The following OGFOD1 variants were observed in gnomAD, a reference collection of about 807,000 sequenced individuals.
OGFOD1 encodes the protein prolyl 3-hydroxylase OGFOD1.
In OGFOD1, 54 loss-of-function variants were observed where a neutral mutation model predicts 67.7. That is an observed-to-expected ratio of 0.80 (90% CI 0.64 to 1.00). OGFOD1 has a LOEUF of 1.00. Ranked by LOEUF, OGFOD1 falls within the 50% of genes least tolerant of loss-of-function variation. The pLI is 0.00. For missense variants in OGFOD1, 606 were observed against 646.7 expected (o/e 0.94, Z 0.68); for synonymous variants, 221 against 227.0 (o/e 0.97, Z 0.24).
chr16:56,469,455 G>A (rs1399420454), intron 8 of OGFOD1, among the ~76,000 whole-genome samples: 1 of 152,162 alleles, frequency 6.6e-6, no homozygotes, highest in Non-Finnish European at 1.5e-5. Context: ...CTACTTAAGA[G>A]AATGAGCCAC....
In OGFOD1 at chr16:56,451,773, G is replaced by A. The variant is rs751265445; in HGVS notation, c.154+7G>A. On this transcript the variant is annotated splice_region_variant and intron_variant, in intron 1 of 12. Transcript: ENST00000566157. Reference sequence around the variant, plus strand: ...AGGACGCCGTTCAGTCACGGTAACCGGGTGCTCTCAGGGAGGGGCCGCCAC... The same window carrying A: ...AGGACGCCGTTCAGTCACGGTAACCAGGTGCTCTCAGGGAGGGGCCGCCAC... 8.1e-6 allele frequency: 13 copies of A among 1,611,820 alleles called. No homozygotes were observed. The highest frequency in any genetic ancestry group is 1.7e-5 in the Admixed American group (1 of 59,988).
At chr16:56,452,132 A>G (rs1426032928) in intron 1 of OGFOD1, 1 of 186,420 alleles carries the variant, frequency 5.4e-6, no homozygotes, top group African/African-American at 2.4e-5. Context: ...GTAAAATGGG[A>G]TAGTTCATAA....
intron 12 of OGFOD1, 58 bp from the exon 13 acceptor site, chr16:56,475,986 T>A: frequency 6.8e-7 from 1 of 1,464,598 alleles, no homozygotes. Context: ...TGGTTAATCA[T>A]CCAAGATTTG....
At position 56,476,029 on chromosome 16, in the gene OGFOD1, ATT is replaced by A. The variant is rs1235905085; in HGVS notation, c.1468-13_1468-12del. 4 of 1,604,646 alleles carry A rather than the reference ATT, an allele frequency of 2.5e-6. No homozygotes were observed. Among genetic ancestry groups the A allele is most frequent in the Non-Finnish European group, 3.4e-6 (4 of 1,175,432 alleles). ...GTTCTGTGTTCTGATGTGTCACTGT[ATT>A]TGTCTTTTTCAGCTGCTAACAGTGA... On this transcript the variant is annotated splice_polypyrimidine_tract_variant and intron_variant, in intron 12 of 12. Transcript: ENST00000566157.
At chr16:56,475,091 AT>A in intron 11 of OGFOD1, 141 bp downstream of exon 11, 1 of 846,744 alleles carries the variant, frequency 1.2e-6, no homozygotes, top group Non-Finnish European at 1.8e-6. Context: ...AGTCAAAGGG[AT>A]TTTACGGGTC....
Position 56,458,549 on chromosome 16 carries a change from C to G in OGFOD1, c.302C>G (p.Ser101Cys). 10 of 1,613,110 alleles carry G rather than the reference C, an allele frequency of 6.2e-6. No individual in the cohort carries two copies. Among genetic ancestry groups the G allele is most frequent in the Non-Finnish European group, 8.5e-6 (10 of 1,179,216 alleles). The change falls in exon 3 of 13, where the codon TCT becomes TGT. Residue 101 changes from serine to cysteine, a missense_variant and splice_region_variant. By Grantham distance (112) the Ser-to-Cys change is moderately radical. Transcript: ENST00000566157. ...TTTTTCTCTATTTTCATGATCAAGT[C>G]TGATGATTTGAAGAAGAGAAGAGAG... ...KYNDLYKFQQ[S>C]DDLKKRREPH...
rs748989377 is a variant in OGFOD1 at position 56,469,985 on chromosome 16, T to C, written c.901-18T>C. On this transcript the variant is annotated intron_variant, in intron 8 of 12. Coordinates refer to ENST00000566157, the MANE Select transcript of OGFOD1 (RefSeq NM_018233.4). ...TAGGGAGATCTGCTGAATGCTTCTT[T>C]ATTTGCTCATTTTCTAGCCTGAGAA... 4 of 1,612,892 alleles carry C rather than the reference T, an allele frequency of 2.5e-6. No homozygotes were observed. The highest frequency in any genetic ancestry group is 2.7e-5 in the African/African-American group (2 of 74,876).
intron 8 of OGFOD1, among the ~76,000 whole-genome samples, chr16:56,468,229 C>T (rs1250314330): frequency 6.6e-6 from 1 of 152,026 alleles, no homozygotes; most frequent in Non-Finnish European, 1.5e-5. Flanking sequence ...TTGGATATTC[C>T]CCAGTTCTCT....
intron 3 of OGFOD1, among the ~76,000 whole-genome samples, chr16:56,461,980 C>G (rs1962725854): frequency 6.6e-6 from 1 of 151,880 alleles, no homozygotes; most frequent in Non-Finnish European, 1.5e-5. Context: ...GTAGTCCCAG[C>G]TACTCGGGAG....
intron 3 of OGFOD1, among the ~76,000 whole-genome samples, chr16:56,461,943 A>C (rs1962724566): frequency 6.6e-6 from 1 of 152,060 alleles, no homozygotes; most frequent in Non-Finnish European, 1.5e-5. Flanking sequence ...AAATATAAAA[A>C]TTAGCCGGGC....
intron 2 of OGFOD1, among the ~76,000 whole-genome samples, chr16:56,454,316 C>T (rs1962440590): frequency 6.6e-6 from 1 of 152,152 alleles, no homozygotes; most frequent in African/African-American, 2.4e-5. Context: ...TCATTGCACT[C>T]CAACCTGGGC....
intron 3 of OGFOD1, among the ~76,000 whole-genome samples, chr16:56,462,187 C>T (rs2143994834): frequency 6.6e-6 from 1 of 152,154 alleles, no homozygotes; most frequent in East Asian, 1.9e-4. Flanking sequence ...TTGGACTAGA[C>T]CACTGGTGTG....
Position 56,460,595 on chromosome 16 carries a change from A to T in OGFOD1, c.348-1939A>T, listed in dbSNP as rs189685010. On this transcript the variant is annotated intron_variant, in intron 3 of 12. Coordinates refer to ENST00000566157, the MANE Select transcript of OGFOD1 (RefSeq NM_018233.4). ...ATGGCACCTCTGAGTGGACTGACTG[A>T]GCACAATTATTTTATGGAATGTTCT... Among the ~76,000 whole-genome samples the T allele has an allele frequency of 2.0e-5, 3 of 152,320 alleles. No homozygotes were observed. The East Asian group carries it at 5.8e-4, about 29-fold the overall frequency.
At chr16:56,462,155 A>C (rs1355747709) in intron 3 of OGFOD1, among the ~76,000 whole-genome samples, 1 of 152,146 alleles carries the variant, frequency 6.6e-6, no homozygotes, top group African/African-American at 2.4e-5. Context: ...AGTGCTGAAA[A>C]ACTTGTCTGA....
At position 56,470,509 on chromosome 16, in the gene OGFOD1, A is replaced by G; in HGVS notation, c.1003A>G (p.Ser335Gly). ...CAGGTTTTATGAGAAAGCTGAGGAGAGTAAGCTTCCTGAGATATTGAAGGA... is the reference window on the plus strand; with the variant it reads ...CAGGTTTTATGAGAAAGCTGAGGAGGGTAAGCTTCCTGAGATATTGAAGGA... ...NKRFYEKAEE[S>G]KLPEILKECM... The change falls in exon 10 of 13, where the codon AGT (serine) becomes GGT (glycine). Residue 335 changes from serine (S) to glycine (G), a missense_variant. Ser to Gly is a moderately conservative substitution (Grantham distance 56). Coordinates refer to ENST00000566157, the MANE Select transcript of OGFOD1 (RefSeq NM_018233.4). The G allele has an allele frequency of 6.2e-7, 1 of 1,612,440 alleles. No homozygotes were observed. The highest frequency in any genetic ancestry group is 8.5e-7 in the Non-Finnish European group (1 of 1,179,408).
At position 56,467,999 on chromosome 16, in the gene OGFOD1, T is replaced by C; in HGVS notation, c.881T>C (p.Leu294Pro). 6.4e-7 allele frequency: 1 copy of C among 1,572,198 alleles called. No individual in the cohort carries two copies. The highest frequency in any genetic ancestry group is 8.8e-7 in the Non-Finnish European group (1 of 1,141,880). Residue 294 changes from leucine (L) to proline (P), a missense_variant, in exon 8 of 13, where the codon CTC (leucine) becomes CCC (proline). By Grantham distance (98) the Leu-to-Pro change is moderately conservative. Transcript: ENST00000566157. ...GAGTTTGAAGAAAGTTCTGAAATTCTCCTGAAGGAGTTTCTTAAGGTAAGC... is the reference window on the plus strand; with the variant it reads ...GAGTTTGAAGAAAGTTCTGAAATTCCCCTGAAGGAGTTTCTTAAGGTAAGC... ...QEEFEESSEILLKEFLKPEKF... is the reference protein window; with the variant it reads ...QEEFEESSEIPLKEFLKPEKF...
At chr16:56,469,884 T>C in intron 8 of OGFOD1, 119 bp from the exon 9 acceptor site, 2 of 476,868 alleles carry the variant, frequency 4.2e-6, no homozygotes, top group Admixed American at 3.8e-5. Context: ...GGAATGAGAG[T>C]CAACTGCACC....
chr16:56,472,487 T>C (rs766329103), intron 10 of OGFOD1, among the ~76,000 whole-genome samples: 1 of 152,220 alleles, frequency 6.6e-6, no homozygotes, highest in East Asian at 1.9e-4. Context: ...GCTATAAAGC[T>C]TGGCAAAAGC....
intron 1 of OGFOD1, 125 bp from the exon 2 acceptor site, chr16:56,453,138 T>C (rs1279229787): frequency 1.1e-6 from 1 of 929,642 alleles, no homozygotes; most frequent in Non-Finnish European, 1.6e-6. Flanking sequence ...CCCCAAATCT[T>C]AGACTTTAAG....
Sources: gnomAD v4.1 joint callset for allele counts (sites outside exome capture counted in the v4.1 genomes callset) on GRCh38, gnomAD v4.1.1 for gene constraint, MANE v1.5 for transcripts, NCBI Gene and HGNC (gene_info 2026-07-23, HGNC 2026-07-21) for gene names.